The following CSTF3 variants were observed in gnomAD, a reference collection of about 807,000 sequenced individuals.
CSTF3 encodes cleavage stimulation factor subunit 3, also known as CF-1 77 kDa subunit.
In CSTF3, 29 loss-of-function variants were observed where a neutral mutation model predicts 105.8. The observed-to-expected ratio is 0.27, with a 90% confidence interval of 0.20 to 0.37. The LOEUF is 0.37. CSTF3 is among the 10% of genes least tolerant of loss of function. The pLI, the probability that CSTF3 is intolerant of heterozygous loss-of-function variation, is 1.00. For missense variants in CSTF3, 357 were observed against 879.3 expected, an observed-to-expected ratio of 0.41 and a Z score of 7.51; for synonymous variants, 252 against 281.9, an observed-to-expected ratio of 0.89 and a Z score of 1.06.
In CSTF3 at chr11:33,096,294, G is replaced by T; in HGVS notation, c.1375+12C>A. Reference sequence around the variant, plus strand: ...TATTAAGTAATCATTATAGATTCTAGAATCAACCTACCATTGAGGTGAGAA... The same window carrying T: ...TATTAAGTAATCATTATAGATTCTATAATCAACCTACCATTGAGGTGAGAA... On this transcript the variant is annotated intron_variant, in intron 15 of 20. Transcript: ENST00000323959. The T allele has an allele frequency of 1.4e-6, 2 of 1,460,872 alleles. No homozygotes were observed. Among genetic ancestry groups the T allele is most frequent in the Non-Finnish European group, 1.9e-6 (2 of 1,077,784 alleles). 90.5% of individuals were successfully genotyped at this position (1,460,872 alleles called of 1,614,324 possible).
intron 3 of CSTF3, 31 bp from the exon 4 acceptor site, chr11:33,108,449 T>A (rs773316473): frequency 1.4e-6 from 2 of 1,426,554 alleles, no homozygotes; most frequent in South Asian, 2.9e-5. Context: ...ATAGAATTAA[T>A]ACTATTTTTT....
At chr11:33,127,722 A>C (rs1855557822) in intron 3 of CSTF3, among the ~76,000 whole-genome samples, 1 of 152,192 alleles carries the variant, frequency 6.6e-6, no homozygotes. Context: ...ATGTTTGGAA[A>C]CTACTGTTCT....
intron 1 of CSTF3, among the ~76,000 whole-genome samples, chr11:33,159,136 G>A (rs1398585119): frequency 6.6e-6 from 1 of 152,112 alleles, no homozygotes; most frequent in Admixed American, 6.5e-5. Flanking sequence ...ACTTGGGGCT[G>A]CAATGTGTCA....
At chr11:33,143,030 A>G (rs1855733318) in intron 1 of CSTF3, among the ~76,000 whole-genome samples, 1 of 152,230 alleles carries the variant, frequency 6.6e-6, no homozygotes, top group Non-Finnish European at 1.5e-5. Context: ...CAACTTTGAG[A>G]AACACTGCTG....
intron 20 of CSTF3, 26 bp downstream of exon 20, chr11:33,085,687 T>C: frequency 6.3e-7 from 1 of 1,582,942 alleles, no homozygotes; most frequent in African/African-American, 1.3e-5. Flanking sequence ...GGAATGACAC[T>C]CTGAAATGGA....
intron 3 of CSTF3, among the ~76,000 whole-genome samples, chr11:33,123,302 A>G (rs943734560): frequency 3.9e-5 from 6 of 152,160 alleles, no homozygotes; most frequent in African/African-American, 1.4e-4. Flanking sequence ...GCAAATGAAA[A>G]CCACACTGAG....
At chr11:33,116,814 G>A (rs149613859) in intron 3 of CSTF3, among the ~76,000 whole-genome samples, 113 of 152,176 alleles carry the variant, frequency 7.4e-4, no homozygotes, top group African/African-American at 2.6e-3. Context: ...AGCTACAATA[G>A]GAAAGATGCT....
chr11:33,090,798 C>T (rs1028450009), intron 16 of CSTF3, 71 bp from the exon 17 acceptor site: 24 of 992,498 alleles, frequency 2.4e-5, no homozygotes, highest in African/African-American at 1.5e-4. Context: ...TTTACAAAAA[C>T]GCCTTAAGCT....
intron 1 of CSTF3, among the ~76,000 whole-genome samples, chr11:33,156,387 T>C (rs1052128690): frequency 2.0e-5 from 3 of 152,236 alleles, no homozygotes; most frequent in Non-Finnish European, 4.4e-5. Flanking sequence ...TAAGTACTAA[T>C]GTTTACCTAA....
intron 3 of CSTF3, 129 bp downstream of exon 3, chr11:33,141,538 T>C: frequency 7.2e-7 from 1 of 1,389,124 alleles, no homozygotes; most frequent in Non-Finnish European, 9.3e-7. Flanking sequence ...TTTATACCTA[T>C]TTTACAAAAT....
chr11:33,141,277 TA>T, intron 3 of CSTF3: 1 of 205,748 alleles, frequency 4.9e-6, no homozygotes, highest in Non-Finnish European at 9.1e-6. Flanking sequence ...CAAAATACTC[TA>T]TGAAAAACTA....
intron 3 of CSTF3, among the ~76,000 whole-genome samples, chr11:33,139,512 A>G (rs1257866640): frequency 6.6e-6 from 1 of 151,946 alleles, no homozygotes; most frequent in Non-Finnish European, 1.5e-5. Flanking sequence ...ATTGAGTGAT[A>G]TGATCAAAGA....
intron 1 of CSTF3, among the ~76,000 whole-genome samples, chr11:33,149,321 C>T (rs917473906): frequency 6.6e-6 from 1 of 152,134 alleles, no homozygotes; most frequent in East Asian, 1.9e-4. Context: ...CTCAATCAAC[C>T]GCATTAATTA....
intron 1 of CSTF3, among the ~76,000 whole-genome samples, chr11:33,154,487 CTTTCT>C (rs1386847066): frequency 0.031 from 942 of 30,616 alleles, 66 homozygotes; most frequent in Middle Eastern, 0.068. Flanking sequence ...CTCCGTAAGA[CTTTCT>C]TTTTTTTTTT....
chr11:33,097,399 T>G (rs1380114648), intron 13 of CSTF3, among the ~76,000 whole-genome samples: 1 of 152,178 alleles, frequency 6.6e-6, no homozygotes, highest in Non-Finnish European at 1.5e-5. Context: ...AGACGGAGTC[T>G]CGCTCTGTTG....
chr11:33,150,058 A>AAC (rs1855838566), intron 1 of CSTF3, among the ~76,000 whole-genome samples: 1 of 110,730 alleles, frequency 9.0e-6, no homozygotes, highest in African/African-American at 2.8e-5. Context: ...ACAACAACAA[A>AAC]ACAAAAATTA....
At chr11:33,128,169 T>G (rs1157114053) in intron 3 of CSTF3, among the ~76,000 whole-genome samples, 1 of 152,130 alleles carries the variant, frequency 6.6e-6, no homozygotes, top group Non-Finnish European at 1.5e-5. Flanking sequence ...ACTTCTCAGG[T>G]TTTACCTACT....
At chr11:33,154,102 T>C (rs759200133) in intron 1 of CSTF3, among the ~76,000 whole-genome samples, 6 of 152,200 alleles carry the variant, frequency 3.9e-5, no homozygotes, top group Non-Finnish European at 7.3e-5. Context: ...CCAGCTATCA[T>C]CTAACTCTGT....
At position 33,123,684 on chromosome 11, in the gene CSTF3, TTTC is replaced by T. The variant is rs1690881685; in HGVS notation, c.226-15269_226-15267del. Among the ~76,000 whole-genome samples the T allele has an allele frequency of 2.0e-5, 3 of 150,794 alleles. No individual in the cohort carries two copies. The South Asian group carries it at 6.2e-4, about 31-fold the overall frequency. The stretch of plus-strand genomic sequence containing the variant: ...GTAGAAAAAGATTTCCAAAAGTTAC[TTTC>T]TTAATAAAAAAAAGGTGCAAAACAA... On this transcript the variant is annotated intron_variant, in intron 3 of 20. Coordinates refer to ENST00000323959, the MANE Select transcript of CSTF3 (RefSeq NM_001326.3).
Sources: allele counts gnomAD v4.1 joint callset (sites outside exome capture counted in the v4.1 genomes callset), GRCh38; gene constraint gnomAD v4.1.1; transcripts MANE v1.5; gene names NCBI Gene and HGNC (gene_info 2026-07-23, HGNC 2026-07-21).